CRACR2A: variants seen among roughly 807,000 people sequenced by gnomAD.
CRACR2A encodes the protein EF-hand calcium-binding domain-containing protein 4B.
CRACR2A carries 79 observed loss-of-function variants against 90.5 expected under a neutral mutation model. The observed-to-expected ratio is 0.87, with a 90% confidence interval of 0.73 to 1.05. The LOEUF (loss-of-function observed/expected upper bound fraction) is 1.05, where lower values mean the gene tolerates loss of function less well. Among genes scored for constraint, CRACR2A ranks in the 50% least tolerant of loss-of-function variants. CRACR2A has a pLI of 0.00. For synonymous variants in CRACR2A, 338 were observed against 356.7 expected (o/e 0.95, Z 0.59); for missense variants, 823 against 897.2 (o/e 0.92, Z 1.06).
rs758896769 is a variant in CRACR2A, at chr12:3,666,358, T to TGTGC, written c.672-6705_672-6704insGCAC. Reference sequence around the variant, plus strand: ...GTGTGTGTGTGTGTGTGTGTGTGCGTGCGTGTGCGCGTGCGCGCGCACGCG... The same window carrying TGTGC: ...GTGTGTGTGTGTGTGTGTGTGTGCGTGTGCGCGTGTGCGCGTGCGCGCGCACGCG... On this transcript the variant is annotated intron_variant, in intron 7 of 19. Coordinates refer to ENST00000440314, the MANE Select transcript of CRACR2A (RefSeq NM_001144958.2). Among the ~76,000 whole-genome samples the TGTGC allele has an allele frequency of 1.4e-3, 207 of 148,532 alleles. 1 individual carries two copies. The highest frequency in any genetic ancestry group is 4.5e-3 in the South Asian group (21 of 4,704).
chr12:3,717,834 AT>A (rs1236005426), intron 2 of CRACR2A, among the ~76,000 whole-genome samples: 1 of 152,134 alleles, frequency 6.6e-6, no homozygotes, highest in African/African-American at 2.4e-5. Context: ...GTCATCTTCA[AT>A]GACACCTTCA....
intron 2 of CRACR2A, among the ~76,000 whole-genome samples, chr12:3,721,638 A>G (rs1946178480): frequency 6.6e-6 from 1 of 151,860 alleles, no homozygotes; most frequent in Non-Finnish European, 1.5e-5. Flanking sequence ...CAAATAGCTT[A>G]TAGTCTAGTG....
intron 4 of CRACR2A, among the ~76,000 whole-genome samples, chr12:3,684,368 C>T (rs1172733483): frequency 1.2e-4 from 18 of 152,104 alleles, no homozygotes; most frequent in Admixed American, 5.9e-4. Flanking sequence ...GGGCTGATTA[C>T]GTGGTATAGG....
Position 3,638,261 on chromosome 12 carries a change from G to T in CRACR2A, c.1465C>A (p.Gln489Lys), listed in dbSNP as rs1944495078. Reference protein sequence around the residue: ...LPQLLDGGFEQPLSKCSEEEE... With the variant: ...LPQLLDGGFEKPLSKCSEEEE... ...TCTTCTGAGCATTTGCTCAGGGGTT[G>T]CTCAAAGCCACCATCCAGGAGCTGG... Residue 489 changes from glutamine to lysine, a missense_variant, in exon 14 of 20, where the codon CAA (glutamine) becomes AAA (lysine). Transcript: ENST00000440314. 6.4e-7 allele frequency: 1 copy of T among 1,551,686 alleles called. No individual in the cohort carries two copies. Among genetic ancestry groups the T allele is most frequent in the South Asian group, 1.2e-5 (1 of 84,066 alleles).
intron 2 of CRACR2A, among the ~76,000 whole-genome samples, chr12:3,723,040 T>C (rs1399234686): frequency 6.6e-6 from 1 of 152,326 alleles, no homozygotes; most frequent in Middle Eastern, 3.4e-3. Flanking sequence ...TCAGGAACTT[T>C]GTACTCCTCC....
intron 19 of CRACR2A, 43 bp from the exon 20 acceptor site, chr12:3,615,482 T>TTTTTTA: frequency 6.6e-7 from 1 of 1,511,190 alleles, no homozygotes; most frequent in East Asian, 2.5e-5. Context: ...GAGAAGTTGA[T>TTTTTTA]AGGCCCAGGG....
intron 3 of CRACR2A, among the ~76,000 whole-genome samples, chr12:3,703,797 G>C (rs991028714): frequency 3.3e-5 from 5 of 152,132 alleles, no homozygotes; most frequent in Non-Finnish European, 7.4e-5. Flanking sequence ...ACAAGATATA[G>C]GGATATCAAA....
At chr12:3,623,871 G>T (rs1160956432) in intron 17 of CRACR2A, among the ~76,000 whole-genome samples, 1 of 152,152 alleles carries the variant, frequency 6.6e-6, no homozygotes, top group African/African-American at 2.4e-5. Flanking sequence ...AAGGATTTTG[G>T]TTCCCTCTGG....
At chr12:3,677,999 C>A (rs242023) in intron 6 of CRACR2A, among the ~76,000 whole-genome samples, 16,951 of 152,184 alleles carry the variant, frequency 0.11, 1,156 homozygotes, top group African/African-American at 0.18. Flanking sequence ...ATTTTCCACC[C>A]TAGCCCCTTC....
rs1867763125 is a variant in CRACR2A at position 3,619,316 on chromosome 12, C to G, written c.1989G>C (p.Glu663Asp). 4.5e-6 allele frequency: 7 copies of G among 1,551,704 alleles called. No homozygotes were observed. The highest frequency in any genetic ancestry group is 6.1e-6 in the Non-Finnish European group (7 of 1,147,006). ...GGCCCCGGGGGACTTCCCGCTCCTT[C>G]TCGTTGTCAAGCTTATTACCCAGCA... ...VLLLGNKLDN[E>D]KEREVPRGLG... Residue 663 changes from glutamate to aspartate, a missense_variant, in exon 18 of 20, where the codon GAG becomes GAC. By Grantham distance (45) the Glu-to-Asp change is conservative (BLOSUM62 2). Transcript: ENST00000440314.
intron 12 of CRACR2A, 85 bp downstream of exon 12, chr12:3,644,510 G>T (rs905049444): frequency 7.3e-7 from 1 of 1,361,096 alleles, no homozygotes; most frequent in Non-Finnish European, 1.0e-6. Flanking sequence ...TCAGGACATT[G>T]CTGGGCCAGT....
chr12:3,644,631 G>T lies in CRACR2A; in HGVS notation c.1128C>A (p.Asn376Lys), dbSNP rs1944653027. Residue 376 changes from asparagine (N) to lysine (K), a missense_variant, in exon 12 of 20, where the codon AAC becomes AAA. By Grantham distance (94) the Asn-to-Lys change is moderately conservative (BLOSUM62 0). Coordinates refer to ENST00000440314, the MANE Select transcript of CRACR2A (RefSeq NM_001144958.2). ...TGTCCCGTTCATCCCGAAGGTGCTT[G>T]TTCCTTTCCCTGTGGATGGTAAAGG... ...LKQLDFLRER[N>K]KHLRDERDIC... is the part of the protein sequence containing the mutation. 1 of 1,551,550 alleles carries T rather than the reference G, an allele frequency of 6.4e-7. No individual in the cohort carries two copies. Among genetic ancestry groups the T allele is most frequent in the South Asian group, 1.2e-5 (1 of 84,064 alleles).
At position 3,711,714 on chromosome 12, in the gene CRACR2A, C is replaced by A. The variant is rs241990; in HGVS notation, c.-37+1523G>T. 6.6e-6 allele frequency among the ~76,000 whole-genome samples: 1 copy of A among 152,146 alleles called. No individual in the cohort carries two copies. Among genetic ancestry groups the A allele is most frequent in the Non-Finnish European group, 1.5e-5 (1 of 68,034 alleles). On this transcript the variant is annotated intron_variant, in intron 3 of 19. Transcript: ENST00000440314. The surrounding 1 kb of genome is among the most constrained non-coding windows in gnomAD (Gnocchi z 4.3). ...CAATGTAGGCTTTTTCTAGCATGTA[C>A]CTCAAAATTCTTTCAGCCTCTGTCT...
At chr12:3,621,154 T>A (rs892448207) in intron 17 of CRACR2A, among the ~76,000 whole-genome samples, 1 of 152,154 alleles carries the variant, frequency 6.6e-6, no homozygotes, top group East Asian at 1.9e-4. Flanking sequence ...TTTCTTGACA[T>A]GGAAACTCTG....
intron 7 of CRACR2A, among the ~76,000 whole-genome samples, chr12:3,667,084 T>C (rs371138292): frequency 3.3e-5 from 5 of 152,314 alleles, no homozygotes; most frequent in East Asian, 1.9e-4. Context: ...GTCTCCCGGT[T>C]TGCAAAGTTA....
At chr12:3,676,440 T>G (rs1945337104) in intron 6 of CRACR2A, among the ~76,000 whole-genome samples, 1 of 152,226 alleles carries the variant, frequency 6.6e-6, no homozygotes, top group Non-Finnish European at 1.5e-5. Flanking sequence ...TTATATCTCC[T>G]ACAAATTCAT....
chr12:3,628,169 T>TTCTTTCTCTCTTTCTTTCTCTCTC (rs1944308726), intron 15 of CRACR2A, among the ~76,000 whole-genome samples: 1 of 146,310 alleles, frequency 6.8e-6, no homozygotes, highest in African/African-American at 2.6e-5. Flanking sequence ...AACTCTCTCT[T>TTCTTTCTCTCTTTCTTTCTCTCTC]TCTTTCTCTC....
At chr12:3,665,785 G>A (rs1945123501) in intron 7 of CRACR2A, among the ~76,000 whole-genome samples, 1 of 152,232 alleles carries the variant, frequency 6.6e-6, no homozygotes, top group Non-Finnish European at 1.5e-5. Flanking sequence ...GCTCAATAGA[G>A]AAGACTAAAT....
chr12:3,688,494 G>T (rs1402730303), intron 4 of CRACR2A, among the ~76,000 whole-genome samples: 1 of 152,150 alleles, frequency 6.6e-6, no homozygotes, highest in Non-Finnish European at 1.5e-5. Context: ...AGATCAGATG[G>T]TTGTGGGTGT....
Sources: gnomAD v4.1 joint callset for allele counts (sites outside exome capture counted in the v4.1 genomes callset) on GRCh38, gnomAD v4.1.1 for gene constraint, Gnocchi (gnomAD v3.1) non-coding constraint, MANE v1.5 for transcripts, NCBI Gene and HGNC (gene_info 2026-07-23, HGNC 2026-07-21) for gene names.